NOB1: variants seen among roughly 807,000 people sequenced by gnomAD.
NOB1 encodes RNA-binding protein NOB1.
NOB1 carries 44 observed loss-of-function variants against 44.8 expected under a neutral mutation model. That is an observed-to-expected ratio of 0.98 (90% CI 0.77 to 1.26). The LOEUF (loss-of-function observed/expected upper bound fraction) is 1.26. NOB1 is among the 50% of genes most tolerant of loss of function. The probability of loss-of-function intolerance (pLI) is 0.00; values close to 1 mark genes in which losing one functional copy is unlikely to be tolerated. For synonymous variants in NOB1, 238 were observed against 218.7 expected, an observed-to-expected ratio of 1.09 and a Z score of -0.78; for missense variants, 560 against 544.8, an observed-to-expected ratio of 1.03 and a Z score of -0.28.
At chr16:69,748,069 G>T (rs1226003723) in intron 7 of NOB1, among the ~76,000 whole-genome samples, 163 bp downstream of exon 7, 1 of 152,136 alleles carries the variant, frequency 6.6e-6, no homozygotes, top group East Asian at 1.9e-4. Context: ...GGAGGTTGAG[G>T]CAGGAGAATT....
intron 2 of NOB1, among the ~76,000 whole-genome samples, chr16:69,752,598 C>T (rs1294814951): frequency 6.6e-6 from 1 of 152,168 alleles, no homozygotes; most frequent in Non-Finnish European, 1.5e-5. Context: ...AGATTCATGC[C>T]AGTTAGATTT....
chr16:69,744,039 T>G (rs191938918), intron 8 of NOB1, among the ~76,000 whole-genome samples: 3 of 152,206 alleles, frequency 2.0e-5, no homozygotes, highest in African/African-American at 7.2e-5. Flanking sequence ...AAACAGGAAT[T>G]ATTAGCCGGG....
chr16:69,741,886 T>G lies in NOB1; in HGVS notation c.*446A>C, dbSNP rs2038384537. 6.4e-6 allele frequency: 1 copy of G among 155,086 alleles called. No homozygotes were observed. The highest frequency in any genetic ancestry group is 1.9e-4 in the East Asian group (1 of 5,248). The allele number at this position is 155,086 out of a possible 1,614,324, so 9.6% of individuals were successfully genotyped here. A position where few individuals can be genotyped will look rare whatever the true frequency, so the allele number is the denominator to read the frequency against. On this transcript the variant is annotated 3_prime_UTR_variant, in exon 9 of 9. Transcript: ENST00000268802. ...AAGAAAGAAATGGTAGTTCTTAGTT[T>G]TATTATAACCTTGTATTTTCTGGCA...
chr16:69,747,450 T>G (rs189730721), intron 7 of NOB1, among the ~76,000 whole-genome samples: 4 of 152,226 alleles, frequency 2.6e-5, no homozygotes, highest in South Asian at 2.1e-4. Flanking sequence ...GAATCTGGAT[T>G]TGAACCCATG....
chr16:69,751,332 AATT>A (rs2038481054), intron 3 of NOB1, among the ~76,000 whole-genome samples: 1 of 151,044 alleles, frequency 6.6e-6, no homozygotes, highest in South Asian at 2.1e-4. Flanking sequence ...TTTTTAAAAA[AATT>A]ATTATATACA....
Position 69,749,262 on chromosome 16 carries a change from A to C in NOB1, c.476T>G (p.Phe159Cys). The C allele has an allele frequency of 3.7e-6, 6 of 1,613,310 alleles. No homozygotes were observed. Among genetic ancestry groups the C allele is most frequent in the Non-Finnish European group, 5.1e-6 (6 of 1,179,820 alleles). Residue 159 changes from phenylalanine to cysteine, a missense_variant, in exon 5 of 9, where the codon TTC becomes TGC. Physicochemically the swap from Phe to Cys is radical, Grantham distance 205. Transcript: ENST00000268802. ...PENLEFSSFMFWRNPLPNIDH... is the reference protein window; with the variant it reads ...PENLEFSSFMCWRNPLPNIDH... The stretch of plus-strand genomic sequence containing the variant: ...GATGTTGGGCAAAGGGTTTCTCCAG[A>C]ACATGAAGGAACTAAATTCCAGGTT...
Position 69,742,596 on chromosome 16 carries a change from C to A in NOB1, c.975G>T (p.Ser325=), listed in dbSNP as rs548183878. The A allele has an allele frequency of 6.2e-7, 1 of 1,613,752 alleles. No individual in the cohort carries two copies. Residue 325 remains serine, a synonymous_variant, in exon 9 of 9, where the codon TCG becomes TCT. Transcript: ENST00000268802. ...KVLNPRGLRY[S]LPTPKGGKYA... is the part of the protein sequence containing the mutation. ...ATTTGCCCCCTTTGGGAGTGGGAAG[C>A]GAGTACTGGAAATAAGACAAGGAAG...
chr16:69,745,068 G>A (rs769865931), intron 7 of NOB1, 51 bp from the exon 8 acceptor site: 33 of 1,602,448 alleles, frequency 2.1e-5, no homozygotes, highest in South Asian at 1.2e-4. Flanking sequence ...GGCAGCAAAC[G>A]CCTCCCCAGA....
chr16:69,753,280 CTTGTAA>C (rs1057041143), intron 2 of NOB1, among the ~76,000 whole-genome samples: 8 of 152,112 alleles, frequency 5.3e-5, no homozygotes, highest in African/African-American at 1.4e-4. Flanking sequence ...GTATGCTCAA[CTTGTAA>C]TTGTAGTAGT....
chr16:69,749,706 G>T, intron 3 of NOB1, 76 bp from the exon 4 acceptor site: 1 of 1,091,650 alleles, frequency 9.2e-7, no homozygotes. Flanking sequence ...GGCCGGGCAC[G>T]ATGGCTCATG....
At chr16:69,752,173 C>G in intron 3 of NOB1, 68 bp downstream of exon 3, 1 of 1,490,288 alleles carries the variant, frequency 6.7e-7, no homozygotes, top group Non-Finnish European at 9.3e-7. Context: ...TACACTAGTC[C>G]TTCTACTTTT....
Position 69,742,437 on chromosome 16 carries a change from G to A in NOB1, c.1134C>T (p.Ile378=). The A allele has an allele frequency of 2.5e-6, 4 of 1,614,266 alleles. No individual in the cohort carries two copies. Among genetic ancestry groups the A allele is most frequent in the East Asian group, 2.2e-5 (1 of 44,886 alleles). The change falls in exon 9 of 9, where the codon ATC becomes ATT. Residue 378 remains isoleucine (I), a synonymous_variant. Coordinates refer to ENST00000268802, the MANE Select transcript of NOB1 (RefSeq NM_014062.3). ...CCTGCAGGGTAGCTGAGCGGCTGGA[G>A]ATGTCATTCTCGACAAAGGGTGACA... is the stretch of plus-strand genomic sequence containing the variant. The part of the protein sequence containing the change: ...AGVSPFVEND[I]SSRSATLQVR...
At chr16:69,744,525 C>T (rs985277032) in intron 8 of NOB1, among the ~76,000 whole-genome samples, 2 of 152,156 alleles carry the variant, frequency 1.3e-5, no homozygotes, top group South Asian at 2.1e-4. Context: ...CTAGCCCGTC[C>T]GGCCCTCTCT....
At position 69,744,954 on chromosome 16, in the gene NOB1, C is replaced by A. The variant is rs751401849; in HGVS notation, c.888G>T (p.Val296=). 6.2e-7 allele frequency: 1 copy of A among 1,614,158 alleles called. No individual in the cohort carries two copies. The change falls in exon 8 of 9, where the codon GTG becomes GTT. Residue 296 remains valine (V), a synonymous_variant. Coordinates refer to ENST00000268802, the MANE Select transcript of NOB1 (RefSeq NM_014062.3). ...SHCGNKTLKK[V]SVTVSDDGTL... The stretch of plus-strand genomic sequence containing the variant: ...TGCCGTCGTCGCTGACGGTCACGGA[C>A]ACTTTCTTCAGGGTCTTGTTCCCAC...
In NOB1 at chr16:69,754,838, C is replaced by T; in HGVS notation, c.63+10G>A. On this transcript the variant is annotated intron_variant, in intron 1 of 8. Transcript: ENST00000268802. The stretch of plus-strand genomic sequence containing the variant: ...CAGATCTCTCTCGTCCCGGAGGGAG[C>T]TCCCCGTACCTGCAGAGCCGCATGC... 3.1e-6 allele frequency: 5 copies of T among 1,603,296 alleles called. No individual in the cohort carries two copies. Among genetic ancestry groups the T allele is most frequent in the Middle Eastern group, 1.7e-4 (1 of 6,036 alleles).
rs13330995 is a variant in NOB1 at position 69,742,802 on chromosome 16, G to A, written c.970-201C>T. Among the ~76,000 whole-genome samples the A allele has an allele frequency of 1.9e-3, 282 of 152,180 alleles. 3 individuals carry two copies. Among genetic ancestry groups the A allele is most frequent in the African/African-American group, 6.3e-3 (262 of 41,500 alleles). ...CACCTCAATTCACACACGAAAAACC[G>A]AACACGGTATTTTGACTACATACCT... On this transcript the variant is annotated intron_variant, in intron 8 of 8. Coordinates refer to ENST00000268802, the MANE Select transcript of NOB1 (RefSeq NM_014062.3).
intron 3 of NOB1, 60 bp from the exon 4 acceptor site, chr16:69,749,690 T>A: frequency 1.4e-6 from 2 of 1,412,328 alleles, no homozygotes; most frequent in East Asian, 4.7e-5. Context: ...TCCAGTTTTT[T>A]TTTTTGGCCG....
At chr16:69,743,982 A>G (rs2038407002) in intron 8 of NOB1, among the ~76,000 whole-genome samples, 2 of 152,206 alleles carry the variant, frequency 1.3e-5, no homozygotes, top group Non-Finnish European at 2.9e-5. Flanking sequence ...TATAAAGAGA[A>G]AGCAGACGTG....
Position 69,743,055 on chromosome 16 carries a change from G to A in NOB1, c.970-454C>T, listed in dbSNP as rs192948439. On this transcript the variant is annotated intron_variant, in intron 8 of 8. Transcript: ENST00000268802. ...TGGGGCACAGGCAGGAGATGGCTGA[G>A]TCTCTGGGAACTTCTTGTTGTGCCA... Among the ~76,000 whole-genome samples the A allele has an allele frequency of 3.4e-4, 52 of 152,226 alleles. 1 individual carries two copies. Among genetic ancestry groups the A allele is most frequent in the African/African-American group, 1.0e-3 (42 of 41,544 alleles).
Sources: gnomAD v4.1 joint callset for allele counts (sites outside exome capture counted in the v4.1 genomes callset) on GRCh38, gnomAD v4.1.1 for gene constraint, MANE v1.5 for transcripts, NCBI Gene and HGNC (gene_info 2026-07-23, HGNC 2026-07-21) for gene names.